Variants in SCFD2 observed in about 807,000 individuals in gnomAD.
SCFD2 encodes the protein sec1 family domain-containing protein 2.
A neutral mutation model predicts 58.9 loss-of-function variants in SCFD2; 54 were observed. The observed-to-expected ratio is 0.92, with a 90% CI of 0.74 to 1.15. SCFD2 has a LOEUF of 1.15. Ranked by LOEUF, SCFD2 falls within the 50% of genes most tolerant of loss-of-function variation. The pLI, the probability that SCFD2 is intolerant of heterozygous loss-of-function variation, is 0.00. For missense variants in SCFD2, 805 were observed against 836.6 expected (o/e 0.96, Z 0.47); for synonymous variants, 321 against 335.9 (o/e 0.96, Z 0.49).
chr4:52,936,131 C>G (rs894474357), intron 5 of SCFD2, among the ~76,000 whole-genome samples: 1 of 152,180 alleles, frequency 6.6e-6, no homozygotes, highest in South Asian at 2.1e-4. Flanking sequence ...GCCACCGCAC[C>G]CAGACTTCCT....
intron 2 of SCFD2, among the ~76,000 whole-genome samples, chr4:53,318,413 C>T (rs751550447): frequency 1.3e-5 from 2 of 152,064 alleles, no homozygotes; most frequent in Non-Finnish European, 2.9e-5. Flanking sequence ...ACTCTTGGGT[C>T]AGAAGCAAAC....
intron 3 of SCFD2, among the ~76,000 whole-genome samples, chr4:53,309,386 C>T (rs561629817): frequency 2.9e-4 from 44 of 152,214 alleles, no homozygotes; most frequent in African/African-American, 1.0e-3. Flanking sequence ...TAAGATGTCC[C>T]AGAACTAGGA....
At chr4:52,976,409 G>A (rs142577590) in intron 5 of SCFD2, among the ~76,000 whole-genome samples, 1 of 152,146 alleles carries the variant, frequency 6.6e-6, no homozygotes, top group Non-Finnish European at 1.5e-5. Flanking sequence ...TAAAGTCATG[G>A]AAAATTCTGG....
intron 2 of SCFD2, among the ~76,000 whole-genome samples, chr4:53,334,738 AC>A (rs1733620725): frequency 6.6e-6 from 1 of 152,140 alleles, no homozygotes; most frequent in South Asian, 2.1e-4. Flanking sequence ...GTACCCTAAA[AC>A]TTAAAGTATA....
chr4:53,320,856 C>T (rs144366164), intron 2 of SCFD2, among the ~76,000 whole-genome samples: 25 of 152,256 alleles, frequency 1.6e-4, no homozygotes, highest in African/African-American at 4.8e-4. Flanking sequence ...CAATTTCTTC[C>T]CTTTTTTCTG....
chr4:53,133,743 A>G (rs1725860930), intron 5 of SCFD2, among the ~76,000 whole-genome samples: 1 of 152,240 alleles, frequency 6.6e-6, no homozygotes, highest in East Asian at 1.9e-4. Context: ...AACCCAAGGA[A>G]AAACAAATCC....
intron 4 of SCFD2, among the ~76,000 whole-genome samples, chr4:53,252,687 G>C (rs1007241810): frequency 3.9e-5 from 6 of 152,130 alleles, no homozygotes; most frequent in Admixed American, 2.6e-4. Flanking sequence ...GCCATATGTA[G>C]AAAGCTGAAA....
At chr4:53,123,962 T>C (rs993483443) in intron 5 of SCFD2, among the ~76,000 whole-genome samples, 1 of 152,190 alleles carries the variant, frequency 6.6e-6, no homozygotes, top group African/African-American at 2.4e-5. Flanking sequence ...AAATGGATTT[T>C]CATAGGTACC....
intron 3 of SCFD2, among the ~76,000 whole-genome samples, chr4:53,290,964 C>A (rs1383867487): frequency 6.6e-6 from 1 of 152,032 alleles, no homozygotes; most frequent in Non-Finnish European, 1.5e-5. Flanking sequence ...TTCAAACTTT[C>A]CAACAAAGAA....
intron 3 of SCFD2, among the ~76,000 whole-genome samples, chr4:53,278,049 C>G (rs1731385199): frequency 7.0e-6 from 1 of 143,836 alleles, no homozygotes; most frequent in East Asian, 2.1e-4. Context: ...GAGACTCCGT[C>G]TCAAAACAAA....
chr4:52,933,305 C>G lies in SCFD2; in HGVS notation c.1562-12435G>C, dbSNP rs533813948. Among the ~76,000 whole-genome samples the G allele has an allele frequency of 5.9e-5, 9 of 152,254 alleles. No individual in the cohort carries two copies. In the South Asian group the frequency reaches 1.7e-3, roughly 28 times the overall value. Reference sequence around the variant, plus strand: ...AGGTGCTTCTTACCCGGCCCGACCCCAGTCCAGACTTAGGCCCCCATGGAG... The same window carrying G: ...AGGTGCTTCTTACCCGGCCCGACCCGAGTCCAGACTTAGGCCCCCATGGAG... On this transcript the variant is annotated intron_variant, in intron 5 of 8. Coordinates refer to ENST00000401642, the MANE Select transcript of SCFD2 (RefSeq NM_152540.4).
intron 5 of SCFD2, among the ~76,000 whole-genome samples, chr4:52,984,921 T>C (rs904757043): frequency 6.6e-6 from 1 of 152,232 alleles, no homozygotes; most frequent in Non-Finnish European, 1.5e-5. Flanking sequence ...CTACACTTTT[T>C]ATAAGCTAAA....
chr4:52,876,040 T>A (rs1363599771), intron 8 of SCFD2, among the ~76,000 whole-genome samples: 1 of 151,716 alleles, frequency 6.6e-6, no homozygotes, highest in Admixed American at 6.6e-5. Flanking sequence ...GGTCTCTACG[T>A]CTTTCAGGTC....
At chr4:53,352,942 T>A (rs1734275075) in intron 1 of SCFD2, among the ~76,000 whole-genome samples, 176 bp from the exon 2 acceptor site, 1 of 152,220 alleles carries the variant, frequency 6.6e-6, no homozygotes, top group Non-Finnish European at 1.5e-5. Context: ...CTAGTCAACA[T>A]GTACCTCACA....
At chr4:53,324,123 A>T (rs1733107079) in intron 2 of SCFD2, among the ~76,000 whole-genome samples, 1 of 152,096 alleles carries the variant, frequency 6.6e-6, no homozygotes, top group African/African-American at 2.4e-5. Context: ...ACTATTTAAA[A>T]ATGTACCCAG....
intron 5 of SCFD2, among the ~76,000 whole-genome samples, chr4:53,050,815 G>A (rs1239293134): frequency 1.3e-5 from 2 of 152,122 alleles, no homozygotes; most frequent in African/African-American, 4.8e-5. Flanking sequence ...TTGGGCTTCA[G>A]CCATGCTGCC....
intron 5 of SCFD2, among the ~76,000 whole-genome samples, chr4:52,980,092 C>T (rs1381999583): frequency 1.3e-5 from 2 of 152,200 alleles, no homozygotes; most frequent in African/African-American, 4.8e-5. Flanking sequence ...ACCTGCCTTC[C>T]TTCATTTGCC....
intron 2 of SCFD2, among the ~76,000 whole-genome samples, chr4:53,351,456 C>A (rs1469959680): frequency 6.6e-6 from 1 of 152,178 alleles, no homozygotes; most frequent in African/African-American, 2.4e-5. Flanking sequence ...CATTTCTATT[C>A]TTTTCAAATT....
intron 5 of SCFD2, among the ~76,000 whole-genome samples, chr4:53,127,947 T>G (rs1013786830): frequency 1.3e-5 from 2 of 150,510 alleles, no homozygotes; most frequent in Non-Finnish European, 1.5e-5. Context: ...TTTTTTGTTT[T>G]TTTTTTTTTT....
Sources: allele counts gnomAD v4.1 joint callset (sites outside exome capture counted in the v4.1 genomes callset), GRCh38; gene constraint gnomAD v4.1.1; transcripts MANE v1.5; gene names NCBI Gene and HGNC (gene_info 2026-07-23, HGNC 2026-07-21).